The following FBLN1 variants were observed in gnomAD, a reference collection of about 807,000 sequenced individuals.
FBLN1 encodes fibulin-1.
Under a neutral mutation model 89.7 loss-of-function variants are expected in FBLN1, and 34 were observed. The ratio of observed to expected loss-of-function variants is 0.38; its 90% CI spans 0.29 to 0.50. FBLN1 has a LOEUF of 0.50. FBLN1 is among the 20% of genes least tolerant of loss of function. The pLI, the probability that FBLN1 is intolerant of heterozygous loss-of-function variation, is 0.92. For missense variants in FBLN1, 777 were observed against 988.1 expected, an observed-to-expected ratio of 0.79 and a Z score of 2.86; for synonymous variants, 393 against 391.3, an observed-to-expected ratio of 1.00 and a Z score of -0.05.
intron 14 of FBLN1, among the ~76,000 whole-genome samples, chr22:45,559,009 G>A (rs1009311966): frequency 2.6e-5 from 4 of 152,164 alleles, no homozygotes; most frequent in South Asian, 2.1e-4. Context: ...AGGTCTCTCC[G>A]AATAAGATTA....
intron 16 of FBLN1, among the ~76,000 whole-genome samples, chr22:45,598,830 C>T (rs2089207632): frequency 6.6e-6 from 1 of 152,272 alleles, no homozygotes; most frequent in South Asian, 2.1e-4. Flanking sequence ...TGCTGGGCAT[C>T]TGAATCGTGC....
At chr22:45,506,547 CG>C (rs200502446) in intron 1 of FBLN1, among the ~76,000 whole-genome samples, 1,608 of 152,240 alleles carry the variant, frequency 0.011, 29 homozygotes, top group African/African-American at 0.037. Context: ...CCGGAGGAAG[CG>C]GCATGCAAAC....
At position 45,530,805 on chromosome 22, in the gene FBLN1, C is replaced by T. The variant is rs886277994; in HGVS notation, c.485-460C>T. On this transcript the variant is annotated intron_variant, in intron 4 of 16. Coordinates refer to ENST00000327858, the MANE Select transcript of FBLN1 (RefSeq NM_006486.3). The surrounding 1 kb of genome is among the most constrained non-coding windows in gnomAD (Gnocchi z 5.4). ...TGAAACGGAGTCTCGCTCTTGTTGC[C>T]CAGGCTGGAGTGCAATGGTGTGATC... is the stretch of plus-strand genomic sequence containing the variant. 6.6e-6 allele frequency among the ~76,000 whole-genome samples: 1 copy of T among 151,954 alleles called. No homozygotes were observed. Among genetic ancestry groups the T allele is most frequent in the Non-Finnish European group, 1.5e-5 (1 of 68,020 alleles).
intron 16 of FBLN1, among the ~76,000 whole-genome samples, chr22:45,589,011 C>T (rs1049699523): frequency 6.7e-6 from 1 of 150,276 alleles, no homozygotes; most frequent in African/African-American, 2.4e-5. Flanking sequence ...TAACAGCAAA[C>T]CCCGCGTGGC....
chr22:45,535,460 T>C, intron 8 of FBLN1, 123 bp downstream of exon 8: 1 of 1,144,374 alleles, frequency 8.7e-7, no homozygotes, highest in East Asian at 2.5e-5. Flanking sequence ...GCAAACTTTT[T>C]GTGTAAAGGG....
At chr22:45,591,245 C>T (rs140748854) in intron 16 of FBLN1, among the ~76,000 whole-genome samples, 77 of 152,266 alleles carry the variant, frequency 5.1e-4, no homozygotes, top group African/African-American at 1.6e-3. Flanking sequence ...ATTTTCTCCC[C>T]GGTGAGCCCC....
intron 11 of FBLN1, among the ~76,000 whole-genome samples, chr22:45,546,674 G>T (rs2088632417): frequency 1.3e-5 from 2 of 152,230 alleles, no homozygotes; most frequent in Admixed American, 1.3e-4. Flanking sequence ...TGGAGTATGA[G>T]GAGTACTGGC....
In FBLN1 at chr22:45,556,319, TACTC is replaced by T. The variant is rs1257184772; in HGVS notation, c.1697+5707_1697+5710del. 7.2e-5 allele frequency among the ~76,000 whole-genome samples: 11 copies of T among 152,326 alleles called. No homozygotes were observed. The highest frequency in any genetic ancestry group is 2.1e-4 in the South Asian group (1 of 4,828). On this transcript the variant is annotated intron_variant, in intron 14 of 16. Coordinates refer to ENST00000327858, the MANE Select transcript of FBLN1 (RefSeq NM_006486.3). This position sits in a 1 kb window ranked among gnomAD's most constrained non-coding sequence, Gnocchi z 4.6. ...CCATGTTTTTAAAAGAAGGAGGAAA[TACTC>T]ACGACAATTACAGTCCTCGTTTCTG...
chr22:45,515,929 A>G (rs573064923), intron 1 of FBLN1, among the ~76,000 whole-genome samples: 1 of 152,130 alleles, frequency 6.6e-6, no homozygotes, highest in Admixed American at 6.5e-5. Flanking sequence ...TTTCTACTCA[A>G]CTCTGTAGCT....
intron 1 of FBLN1, among the ~76,000 whole-genome samples, chr22:45,506,514 C>G (rs762547281): frequency 1.3e-5 from 2 of 152,214 alleles, no homozygotes; most frequent in Non-Finnish European, 2.9e-5. Flanking sequence ...CTGAGCCCTA[C>G]TGGCAGAGTC....
At chr22:45,546,311 T>G (rs2088626509) in intron 11 of FBLN1, among the ~76,000 whole-genome samples, 1 of 152,278 alleles carries the variant, frequency 6.6e-6, no homozygotes, top group East Asian at 1.9e-4. Context: ...TCTGCCTCCT[T>G]GTTCAAGCAA....
intron 14 of FBLN1, among the ~76,000 whole-genome samples, chr22:45,554,360 G>T (rs780252958): frequency 2.0e-5 from 3 of 152,206 alleles, no homozygotes; most frequent in Non-Finnish European, 4.4e-5. Flanking sequence ...CTCCCGTTTG[G>T]CCTGGACCTG....
At chr22:45,505,958 G>A (rs1216174415) in intron 1 of FBLN1, among the ~76,000 whole-genome samples, 1 of 152,110 alleles carries the variant, frequency 6.6e-6, no homozygotes, top group Non-Finnish European at 1.5e-5. Flanking sequence ...TAGTAGAGAT[G>A]GGGTTTCACC....
chr22:45,512,027 G>A (rs539878113), intron 1 of FBLN1, among the ~76,000 whole-genome samples: 1 of 152,204 alleles, frequency 6.6e-6, no homozygotes, highest in Non-Finnish European at 1.5e-5. Flanking sequence ...GAAGATTCCA[G>A]GTCCCCTGAG....
At position 45,530,461 on chromosome 22, in the gene FBLN1, A is replaced by G. The variant is rs1326867795; in HGVS notation, c.485-804A>G. On this transcript the variant is annotated intron_variant, in intron 4 of 16. Coordinates refer to ENST00000327858, the MANE Select transcript of FBLN1 (RefSeq NM_006486.3). This position sits in a 1 kb window ranked among gnomAD's most constrained non-coding sequence, Gnocchi z 5.4. ...CCTTCCTCCCACTGCTACCAGTGCC[A>G]TGGACCCACTGTATGTTTCCTGGGG... Among the ~76,000 whole-genome samples the G allele has an allele frequency of 6.6e-6, 1 of 152,084 alleles. No individual in the cohort carries two copies. Among genetic ancestry groups the G allele is most frequent in the Non-Finnish European group, 1.5e-5 (1 of 68,000 alleles).
Position 45,597,494 on chromosome 22 carries a change from G to A in FBLN1, c.1973-2813G>A, listed in dbSNP as rs539848792. Among the ~76,000 whole-genome samples, 2 of 152,284 alleles carry A rather than the reference G, an allele frequency of 1.3e-5. No homozygotes were observed. Among genetic ancestry groups the A allele is most frequent in the Admixed American group, 6.5e-5 (1 of 15,292 alleles). On this transcript the variant is annotated intron_variant, in intron 16 of 16. Transcript: ENST00000327858. The surrounding 1 kb of genome is among the most constrained non-coding windows in gnomAD (Gnocchi z 4.2). The stretch of plus-strand genomic sequence containing the variant: ...CACTGTGGCTAGCGGGGGCACCATT[G>A]TTGGCCTCGGGCCTGGGGAGAGAAA...
chr22:45,562,299 G>A lies in FBLN1; in HGVS notation c.1697+11684G>A, dbSNP rs1482288842. On this transcript the variant is annotated intron_variant, in intron 14 of 16. Transcript: ENST00000327858. This position sits in a 1 kb window ranked among gnomAD's most constrained non-coding sequence, Gnocchi z 7.8. The stretch of plus-strand genomic sequence containing the variant: ...CAAGGAACTGGGAACTGACCTCAAT[G>A]GCTGAGTAGCGATATGGCTCCCTCA... Among the ~76,000 whole-genome samples, 1 of 152,192 alleles carries A rather than the reference G, an allele frequency of 6.6e-6. No individual in the cohort carries two copies. The highest frequency in any genetic ancestry group is 1.5e-5 in the Non-Finnish European group (1 of 68,032).
intron 14 of FBLN1, among the ~76,000 whole-genome samples, chr22:45,567,079 TC>T (rs2088906808): frequency 6.6e-6 from 1 of 152,242 alleles, no homozygotes; most frequent in Non-Finnish European, 1.5e-5. Flanking sequence ...ACAGCTGGTT[TC>T]CAGTGGCACT....
intron 8 of FBLN1, among the ~76,000 whole-genome samples, chr22:45,538,045 T>G (rs146049941): frequency 0.014 from 2,162 of 152,342 alleles, 51 homozygotes; most frequent in African/African-American, 0.049. Flanking sequence ...GGTGCAGCAC[T>G]GTGTATGGGC....
Sources: gnomAD v4.1 joint callset for allele counts (sites outside exome capture counted in the v4.1 genomes callset) on GRCh38, gnomAD v4.1.1 for gene constraint, Gnocchi (gnomAD v3.1) non-coding constraint, MANE v1.5 for transcripts, NCBI Gene and HGNC (gene_info 2026-07-23, HGNC 2026-07-21) for gene names.